The following SCN1A variants were observed in gnomAD, a reference collection of about 807,000 sequenced individuals.
The protein encoded by SCN1A is sodium channel protein type 1 subunit alpha.
In SCN1A, 13 loss-of-function variants were observed where a neutral mutation model predicts 193.7. The ratio of observed to expected loss-of-function variants is 0.07; its 90% CI spans 0.04 to 0.11. The LOEUF is 0.11. Among genes scored for constraint, SCN1A ranks in the 10% least tolerant of loss-of-function variants. SCN1A has a pLI of 1.00. For missense variants in SCN1A, 1,432 were observed against 2,451.1 expected (o/e 0.58, Z 8.78); for synonymous variants, 781 against 843.6 (o/e 0.93, Z 1.29).
intron 22 of SCN1A, 101 bp downstream of exon 22, chr2:166,012,007 TC>T: frequency 9.8e-7 from 1 of 1,017,256 alleles, no homozygotes; most frequent in Non-Finnish European, 1.5e-6. Context: ...GTTATTATAG[TC>T]TGTCAACATA....
rs1697491807 is a variant in SCN1A, at chr2:166,043,975, C to A, written c.1737G>T (p.Gly579=). ...TCTCAGATCCCACATCCTTTGCTCG[C>A]CCTCTAAAGCTGAAAAGGCTTGTTC... ...NSRTSLFSFR[G]RAKDVGSEND... The change falls in exon 14 of 29, where the codon GGG becomes GGT. Residue 579 remains glycine, a synonymous_variant. Coordinates refer to ENST00000674923, the MANE Select transcript of SCN1A (RefSeq NM_001165963.4). 6.2e-7 allele frequency: 1 copy of A among 1,614,154 alleles called. No homozygotes were observed. Among genetic ancestry groups the A allele is most frequent in the East Asian group, 2.2e-5 (1 of 44,878 alleles).
At chr2:166,011,754 T>C (rs942673209) in intron 22 of SCN1A, among the ~76,000 whole-genome samples, 1 of 151,126 alleles carries the variant, frequency 6.6e-6, no homozygotes, top group Admixed American at 6.6e-5. Flanking sequence ...CAACAAGTGA[T>C]GGTCCTGGGA....
rs545103122 is a variant in SCN1A at position 166,004,640 on chromosome 2, G to T, written c.4003-1887C>A. On this transcript the variant is annotated intron_variant, in intron 23 of 28. Transcript: ENST00000674923. ...AACTAACAAATATTTTTCTTACCTT[G>T]GTATTCACATCACTCCACAATCTAT... is the stretch of plus-strand genomic sequence containing the variant. Among the ~76,000 whole-genome samples, 3 of 151,440 alleles carry T rather than the reference G, an allele frequency of 2.0e-5. No individual in the cohort carries two copies. The South Asian group carries it at 6.2e-4, about 31-fold the overall frequency.
chr2:165,992,828 C>T lies in SCN1A; in HGVS notation c.4853-406G>A, dbSNP rs1013211033. 4.6e-5 allele frequency: 7 copies of T among 153,736 alleles called. No individual in the cohort carries two copies. Among genetic ancestry groups the T allele is most frequent in the Non-Finnish European group, 8.6e-5 (6 of 69,488 alleles). 9.5% of individuals were successfully genotyped at this position (153,736 alleles called of 1,614,324 possible). ...CCATATTCTAAATTCTCTATTTACT[C>T]CTTTTCCATCTGAAAGTATTGGTAG... On this transcript the variant is annotated intron_variant, in intron 28 of 28. Coordinates refer to ENST00000674923, the MANE Select transcript of SCN1A (RefSeq NM_001165963.4). The surrounding 1 kb of genome is among the most constrained non-coding windows in gnomAD (Gnocchi z 6.5).
chr2:166,124,146 A>G (rs1690958479), intron 2 of SCN1A, among the ~76,000 whole-genome samples: 1 of 152,014 alleles, frequency 6.6e-6, no homozygotes, highest in Non-Finnish European at 1.5e-5. Context: ...CTATCACCAG[A>G]CTGAAAGCTG....
At chr2:166,003,046 T>C (rs1017987393) in intron 23 of SCN1A, 1 of 207,534 alleles carries the variant, frequency 4.8e-6, no homozygotes, top group African/African-American at 2.7e-5. Flanking sequence ...TCAGAGGAAC[T>C]TGCTGCCAGA....
At chr2:166,134,986 A>C (rs1691799869) in intron 1 of SCN1A, among the ~76,000 whole-genome samples, 1 of 152,202 alleles carries the variant, frequency 6.6e-6, no homozygotes, top group Non-Finnish European at 1.5e-5. Flanking sequence ...AGCAATCATA[A>C]AGAATGAAGT....
chr2:165,999,671 T>C (rs1382554647), intron 25 of SCN1A, 52 bp downstream of exon 25: 1 of 1,274,396 alleles, frequency 7.8e-7, no homozygotes, highest in African/African-American at 1.5e-5. Flanking sequence ...TTCGATTAAT[T>C]TTACCACCTG....
chr2:166,082,888 C>T (rs1235061923), intron 2 of SCN1A, among the ~76,000 whole-genome samples: 1 of 152,014 alleles, frequency 6.6e-6, no homozygotes, highest in Non-Finnish European at 1.5e-5. Context: ...ACCAAAAAGA[C>T]TTCTGCCAAA....
chr2:166,108,730 CTAT>C (rs1688968915), intron 2 of SCN1A, among the ~76,000 whole-genome samples: 1 of 152,074 alleles, frequency 6.6e-6, no homozygotes, highest in Non-Finnish European at 1.5e-5. Context: ...TTGCATGATT[CTAT>C]TCATATAAAA....
chr2:165,987,968 T>C lies in SCN1A; in HGVS notation c.*3277A>G, dbSNP rs576376925. 6.6e-6 allele frequency: 1 copy of C among 152,206 alleles called. No individual in the cohort carries two copies. Among genetic ancestry groups the C allele is most frequent in the East Asian group, 1.9e-4 (1 of 5,150 alleles). The allele number at this position is 152,206 out of a possible 1,614,324, so 9.4% of individuals were successfully genotyped here. A position where few individuals can be genotyped will look rare whatever the true frequency, so the allele number is the denominator to read the frequency against. On this transcript the variant is annotated 3_prime_UTR_variant, in exon 29 of 29. Coordinates refer to ENST00000674923, the MANE Select transcript of SCN1A (RefSeq NM_001165963.4). Reference sequence around the variant, plus strand: ...TAATTGTTGTGTTGCTTTAGGATTGTGATGTTATGAAGAGGCAAAGTCAGT... The same window carrying C: ...TAATTGTTGTGTTGCTTTAGGATTGCGATGTTATGAAGAGGCAAAGTCAGT...
chr2:166,139,914 A>T (rs1274959390), intron 1 of SCN1A, among the ~76,000 whole-genome samples: 1 of 152,218 alleles, frequency 6.6e-6, no homozygotes, highest in Admixed American at 6.5e-5. Context: ...AGACTCAGGA[A>T]TAAACATATG....
intron 5 of SCN1A, among the ~76,000 whole-genome samples, chr2:166,057,289 C>T (rs557506792): frequency 6.6e-5 from 10 of 151,896 alleles, no homozygotes; most frequent in East Asian, 3.9e-4. Flanking sequence ...GGAACAGTCA[C>T]GGTACGTAAG....
intron 24 of SCN1A, chr2:166,000,016 C>CTTT: frequency 1.9e-6 from 1 of 531,164 alleles, no homozygotes; most frequent in Non-Finnish European, 3.4e-6. Flanking sequence ...CTCACAAGCA[C>CTTT]TTTTCAATTC....
intron 25 of SCN1A, 65 bp from the exon 26 acceptor site, chr2:165,998,240 C>A: frequency 7.4e-7 from 1 of 1,353,786 alleles, no homozygotes; most frequent in Non-Finnish European, 1.0e-6. Flanking sequence ...GTCACTGGTG[C>A]TTTTTCATAA....
intron 16 of SCN1A, among the ~76,000 whole-genome samples, chr2:166,040,313 T>G (rs1335739693): frequency 1.3e-5 from 2 of 152,218 alleles, no homozygotes; most frequent in African/African-American, 4.8e-5. Context: ...ATTTTGCCCA[T>G]GAGCACTTTT....
At chr2:166,141,125 C>T (rs182095200) in intron 1 of SCN1A, among the ~76,000 whole-genome samples, 2 of 152,140 alleles carry the variant, frequency 1.3e-5, no homozygotes, top group South Asian at 2.1e-4. Flanking sequence ...CACCACTCCC[C>T]GGGTGTTCCC....
rs184126728 is a variant in SCN1A, at chr2:165,986,185, T to G, written c.*5060A>C. ...TGGTATTAGTCTTTAGAAAATAATC[T>G]AAAAGATACAATTTCAGGATAAAGG... is the stretch of plus-strand genomic sequence containing the variant. On this transcript the variant is annotated 3_prime_UTR_variant, in exon 29 of 29. Transcript: ENST00000674923. 177 of 152,312 alleles carry G rather than the reference T, an allele frequency of 1.2e-3. No homozygotes were observed. Among genetic ancestry groups the G allele is most frequent in the African/African-American group, 4.0e-3 (166 of 41,584 alleles). 9.4% of individuals were successfully genotyped at this position (152,312 alleles called of 1,614,324 possible).
intron 2 of SCN1A, among the ~76,000 whole-genome samples, chr2:166,082,375 G>T (rs867214350): frequency 6.6e-6 from 1 of 151,970 alleles, no homozygotes; most frequent in Non-Finnish European, 1.5e-5. Context: ...TAATAGTTAT[G>T]AAATATTCTT....
Sources: gnomAD v4.1 joint callset for allele counts (sites outside exome capture counted in the v4.1 genomes callset) on GRCh38, gnomAD v4.1.1 for gene constraint, Gnocchi (gnomAD v3.1) non-coding constraint, MANE v1.5 for transcripts, NCBI Gene and HGNC (gene_info 2026-07-23, HGNC 2026-07-21) for gene names.